Variants in GPHN observed in about 807,000 individuals in gnomAD.
The protein encoded by GPHN is gephyrin.
GPHN carries 17 observed loss-of-function variants against 95.5 expected under a neutral mutation model. The observed-to-expected ratio is 0.18, with a 90% CI of 0.12 to 0.27. The LOEUF (loss-of-function observed/expected upper bound fraction) is 0.27. GPHN is among the 10% of genes least tolerant of loss of function. GPHN has a pLI of 1.00. For missense variants in GPHN, 660 were observed against 978.1 expected, an observed-to-expected ratio of 0.67 and a Z score of 4.34; for synonymous variants, 320 against 322.5, an observed-to-expected ratio of 0.99 and a Z score of 0.08.
the GPHN span, among the ~76,000 whole-genome samples, chr14:67,193,455 A>G: frequency 7.0e-6 from 1 of 142,528 alleles, no homozygotes; most frequent in African/African-American, 2.5e-5. Context: ...AGATCTCTAT[A>G]TATCTAGATA....
At chr14:67,428,759 C>A in the GPHN span, among the ~76,000 whole-genome samples, 68 of 152,370 alleles carry the variant, frequency 4.5e-4, no homozygotes, top group Admixed American at 2.0e-4. Flanking sequence ...GGCTTGAGGG[C>A]CTGGCCTCCT....
Position 67,167,951 on chromosome 14 carries a change from C to T in GPHN, c.1976-982C>T, listed in dbSNP as rs555491236. On this transcript the variant is annotated intron_variant, in intron 20 of 22. Transcript: ENST00000478722. ...CCCACCCTTCCTCCTTTGAAGTGTACGACACACCTAGATTTCTTCTTGGAG... is the reference window on the plus strand; with the variant it reads ...CCCACCCTTCCTCCTTTGAAGTGTATGACACACCTAGATTTCTTCTTGGAG... 3.3e-5 allele frequency among the ~76,000 whole-genome samples: 5 copies of T among 152,262 alleles called. No individual in the cohort carries two copies. In the South Asian group the frequency reaches 6.2e-4, roughly 19 times the overall value.
At chr14:66,627,765 T>G (rs8011928) in intron 1 of GPHN, among the ~76,000 whole-genome samples, 47,148 of 151,834 alleles carry the variant, frequency 0.31, 11,164 homozygotes, top group African/African-American at 0.64. Context: ...TTATTTTGCG[T>G]TTTTTGGTAT....
chr14:67,687,480 T>C, the GPHN span, among the ~76,000 whole-genome samples: 3 of 150,242 alleles, frequency 2.0e-5, no homozygotes, highest in South Asian at 4.2e-4. Context: ...TTTTTTTTTT[T>C]TTTTTTTGAG....
Position 67,089,082 on chromosome 14 carries a change from AT to A in GPHN, c.1237+11del. 7.7e-7 allele frequency: 1 copy of A among 1,300,050 alleles called. No homozygotes were observed. The highest frequency in any genetic ancestry group is 1.1e-6 in the Non-Finnish European group (1 of 924,172). 80.5% of individuals were successfully genotyped at this position (1,300,050 alleles called of 1,614,324 possible). A position where few individuals can be genotyped will look rare whatever the true frequency, so the allele number is the denominator to read the frequency against. On this transcript the variant is annotated splice_region_variant and intron_variant, in intron 12 of 22. Coordinates refer to ENST00000478722, the MANE Select transcript of GPHN (RefSeq NM_020806.5). ...GATGGCTATGCTGTCCGAGGTAAAT[AT>A]TTTGGTTTTCTTAAACATAATCAGG... is the stretch of plus-strand genomic sequence containing the variant.
intron 9 of GPHN, among the ~76,000 whole-genome samples, chr14:67,013,595 C>G (rs1249851579): frequency 6.6e-6 from 1 of 152,040 alleles, no homozygotes; most frequent in East Asian, 1.9e-4. Context: ...AACTTTTCTA[C>G]ACACTTTCTA....
intron 5 of GPHN, among the ~76,000 whole-genome samples, chr14:66,901,008 A>G (rs1187353688): frequency 6.6e-6 from 1 of 152,022 alleles, no homozygotes; most frequent in Non-Finnish European, 1.5e-5. Context: ...TTCCACCAAC[A>G]GCGTACAAAT....
intron 18 of GPHN, among the ~76,000 whole-genome samples, chr14:67,152,900 G>A (rs1285133194): frequency 6.6e-6 from 1 of 152,052 alleles, no homozygotes; most frequent in African/African-American, 2.4e-5. Flanking sequence ...GGGAGTCAGA[G>A]GTTGCACTGA....
intron 1 of GPHN, among the ~76,000 whole-genome samples, chr14:66,655,298 A>G (rs1053693818): frequency 6.6e-6 from 1 of 152,120 alleles, no homozygotes; most frequent in African/African-American, 2.4e-5. Context: ...AACATTTTGT[A>G]GTTTTCAGCA....
At chr14:67,564,836 G>A in the GPHN span, among the ~76,000 whole-genome samples, 9 of 151,912 alleles carry the variant, frequency 5.9e-5, no homozygotes, top group African/African-American at 1.7e-4. Context: ...CTACAGGCAT[G>A]CACCACCATG....
the GPHN span, among the ~76,000 whole-genome samples, chr14:67,278,108 C>G: frequency 6.6e-6 from 1 of 150,892 alleles, no homozygotes; most frequent in Non-Finnish European, 1.5e-5. Flanking sequence ...GTGATCTCAG[C>G]TCACTGCGGC....
the GPHN span, chr14:67,600,245 G>GCGCTC: frequency 1.3e-6 from 2 of 1,482,324 alleles, no homozygotes. Flanking sequence ...GCGCTGCACT[G>GCGCTC]CGCTCGCCGG....
At chr14:66,922,592 AG>A in intron 6 of GPHN, 73 bp from the exon 7 acceptor site, 1 of 1,186,876 alleles carries the variant, frequency 8.4e-7, no homozygotes. Flanking sequence ...ATCACGAAAC[AG>A]TTTGATTGCC....
chr14:67,365,892 A>C, the GPHN span, among the ~76,000 whole-genome samples: 4 of 152,146 alleles, frequency 2.6e-5, no homozygotes, highest in Admixed American at 2.0e-4. Flanking sequence ...GATGATACAT[A>C]GATTTTGAGG....
the GPHN span, among the ~76,000 whole-genome samples, chr14:67,546,425 A>C: frequency 6.6e-6 from 1 of 152,066 alleles, no homozygotes; most frequent in East Asian, 1.9e-4. Flanking sequence ...TTTTGAGACA[A>C]AGTTTCTCTC....
At chr14:66,685,112 G>T (rs533729365) in intron 2 of GPHN, among the ~76,000 whole-genome samples, 1 of 152,294 alleles carries the variant, frequency 6.6e-6, no homozygotes, top group Non-Finnish European at 1.5e-5. Flanking sequence ...GTATTCCATG[G>T]TGTATATGTA....
At chr14:67,276,658 C>A in the GPHN span, among the ~76,000 whole-genome samples, 4 of 152,122 alleles carry the variant, frequency 2.6e-5, no homozygotes, top group African/African-American at 9.7e-5. Flanking sequence ...CATTTATTTT[C>A]TTTGCTTTCT....
intron 1 of GPHN, among the ~76,000 whole-genome samples, chr14:66,674,756 T>A (rs928962327): frequency 6.6e-6 from 1 of 152,222 alleles, no homozygotes; most frequent in African/African-American, 2.4e-5. Flanking sequence ...TCTTGGATAT[T>A]GTGAATCATG....
chr14:66,996,262 G>T, intron 9 of GPHN: 7 of 1,178,482 alleles, frequency 5.9e-6, no homozygotes, highest in Non-Finnish European at 6.1e-6. Flanking sequence ...TAACATGCTC[G>T]CCCTCACCAT....
Sources: gnomAD v4.1 joint callset for allele counts (sites outside exome capture counted in the v4.1 genomes callset) on GRCh38, gnomAD v4.1.1 for gene constraint, MANE v1.5 for transcripts, NCBI Gene and HGNC (gene_info 2026-07-23, HGNC 2026-07-21) for gene names.